The following SLCO3A1 variants were observed in gnomAD, a reference collection of about 807,000 sequenced individuals.
SLCO3A1 encodes solute carrier organic anion transporter family member 3A1, also known as PGE1 transporter.
Under a neutral mutation model 63.1 loss-of-function variants are expected in SLCO3A1, and 27 were observed. The observed-to-expected ratio is 0.43, with a 90% CI of 0.32 to 0.59. SLCO3A1 has a LOEUF of 0.59. Ranked by LOEUF, SLCO3A1 falls within the 20% of genes least tolerant of loss-of-function variation. The pLI, the probability that SLCO3A1 is intolerant of heterozygous loss-of-function variation, is 0.09. For synonymous variants in SLCO3A1, 473 were observed against 409.9 expected (o/e 1.15, Z -1.86); for missense variants, 773 against 945.8 (o/e 0.82, Z 2.40).
In SLCO3A1 at chr15:91,916,479, A is replaced by G. The variant is rs765436281; in HGVS notation, c.646+21A>G. 6.5e-7 allele frequency: 1 copy of G among 1,546,400 alleles called. No individual in the cohort carries two copies. Among genetic ancestry groups the G allele is most frequent in the Non-Finnish European group, 8.8e-7 (1 of 1,139,220 alleles). ...TATAGGTAGGAGCTGCCCCAGCCGT[A>G]TTAGCAAGAGACCAGGGTGTGTTGA... On this transcript the variant is annotated intron_variant, in intron 2 of 9. Transcript: ENST00000318445. This position sits in a 1 kb window ranked among gnomAD's most constrained non-coding sequence, Gnocchi z 6.2.
chr15:91,854,301 G>T lies in SLCO3A1; in HGVS notation c.180+213G>T. The T allele has an allele frequency of 2.6e-6, 3 of 1,155,788 alleles. No homozygotes were observed. The highest frequency in any genetic ancestry group is 3.2e-6 in the Non-Finnish European group (3 of 938,422). The allele number at this position is 1,155,788 out of a possible 1,614,324, so 71.6% of individuals were successfully genotyped here. A position where few individuals can be genotyped will look rare whatever the true frequency, so the allele number is the denominator to read the frequency against. ...GGTAGCGGGCGGGACCGTTGATGCC[G>T]GTAGCAGCTCGCGCGCGTCCGGCTG... On this transcript the variant is annotated intron_variant, in intron 1 of 9. Coordinates refer to ENST00000318445, the MANE Select transcript of SLCO3A1 (RefSeq NM_013272.4). This position sits in a 1 kb window ranked among gnomAD's most constrained non-coding sequence, Gnocchi z 6.4.
chr15:92,130,885 CAAAAAAA>C lies in SLCO3A1; in HGVS notation c.1512+2414_1512+2420del, dbSNP rs993611856. Among the ~76,000 whole-genome samples, 187 of 21,834 alleles carry C rather than the reference CAAAAAAA, an allele frequency of 8.6e-3. 1 individual carries two copies. The highest frequency in any genetic ancestry group is 0.083 in the Middle Eastern group (2 of 24). The allele number at this position is 21,834 out of a possible 152,430, so 14.3% of individuals were successfully genotyped here. A position where few individuals can be genotyped will look rare whatever the true frequency, so the allele number is the denominator to read the frequency against. ...ACTCTTCTTGTCTCCAAGTTCGGGG[CAAAAAAA>C]AAAAAAAAAAAAAAAAACTCTTTGA... On this transcript the variant is annotated intron_variant, in intron 7 of 9. Transcript: ENST00000318445.
Position 91,926,596 on chromosome 15 carries a change from T to TGTGTGTGTGTGTGTGTGTGG in SLCO3A1, c.646+10139_646+10140insTGTGTGTGTGTGTGTGTGGG. ...GTGTGTGTGTGTGTGTGTGTGTGTG[T>TGTGTGTGTGTGTGTGTGTGG]GCGCGCGCGCACGCCCATGCTTATT... On this transcript the variant is annotated intron_variant, in intron 2 of 9. Coordinates refer to ENST00000318445, the MANE Select transcript of SLCO3A1 (RefSeq NM_013272.4). Among the ~76,000 whole-genome samples the TGTGTGTGTGTGTGTGTGTGG allele has an allele frequency of 4.4e-4, 46 of 105,256 alleles. 1 individual carries two copies. Among genetic ancestry groups the TGTGTGTGTGTGTGTGTGTGG allele is most frequent in the African/African-American group, 1.4e-3 (39 of 27,330 alleles). The allele number at this position is 105,256 out of a possible 152,430, so 69.1% of individuals were successfully genotyped here.
intron 2 of SLCO3A1, among the ~76,000 whole-genome samples, chr15:92,013,283 T>G (rs576554733): frequency 2.6e-5 from 4 of 152,370 alleles, no homozygotes; most frequent in African/African-American, 9.6e-5. Flanking sequence ...TGGTATCTCA[T>G]TTCGTGGATG....
chr15:91,988,625 T>C (rs2046086047), intron 2 of SLCO3A1, among the ~76,000 whole-genome samples: 1 of 152,074 alleles, frequency 6.6e-6, no homozygotes, highest in South Asian at 2.1e-4. Flanking sequence ...AAGAATCACC[T>C]GGAGGGCTTG....
chr15:92,011,737 G>A (rs982654889), intron 2 of SLCO3A1, among the ~76,000 whole-genome samples: 2 of 152,188 alleles, frequency 1.3e-5, no homozygotes, highest in Admixed American at 1.3e-4. Flanking sequence ...CTTTGCCAAG[G>A]GCAGCATCGC....
intron 2 of SLCO3A1, among the ~76,000 whole-genome samples, chr15:92,060,288 G>A (rs778488701): frequency 9.2e-5 from 14 of 152,044 alleles, no homozygotes; most frequent in Non-Finnish European, 1.9e-4. Flanking sequence ...AGCTGGGCTC[G>A]GTGGTTCATG....
intron 2 of SLCO3A1, among the ~76,000 whole-genome samples, chr15:91,992,983 G>A (rs1467993528): frequency 6.6e-6 from 1 of 152,216 alleles, no homozygotes; most frequent in East Asian, 1.9e-4. Context: ...GAACCTTGAA[G>A]GGAATCCAGG....
downstream of SLCO3A1, among the ~76,000 whole-genome samples, chr15:92,169,247 C>G (rs914192482): frequency 1.3e-5 from 2 of 152,154 alleles, no homozygotes; most frequent in African/African-American, 4.8e-5. Context: ...ATTCACAAAG[C>G]AGAGTTGGGA....
At chr15:92,043,026 T>C (rs985259281) in intron 2 of SLCO3A1, among the ~76,000 whole-genome samples, 2 of 152,144 alleles carry the variant, frequency 1.3e-5, no homozygotes, top group Admixed American at 1.3e-4. Flanking sequence ...TTGTGACTTT[T>C]TTGGTGACCT....
At chr15:92,058,219 T>A (rs938360539) in intron 2 of SLCO3A1, among the ~76,000 whole-genome samples, 1 of 152,062 alleles carries the variant, frequency 6.6e-6, no homozygotes, top group Non-Finnish European at 1.5e-5. Context: ...CTCTAGAAGG[T>A]GGAGGGTGTT....
intron 2 of SLCO3A1, among the ~76,000 whole-genome samples, chr15:91,932,371 T>C (rs1219508909): frequency 3.3e-5 from 5 of 152,198 alleles, no homozygotes; most frequent in African/African-American, 1.2e-4. Context: ...TTGCCTTTCT[T>C]GTTTTATCTC....
At chr15:91,923,785 A>C (rs527381975) in intron 2 of SLCO3A1, among the ~76,000 whole-genome samples, 2 of 152,246 alleles carry the variant, frequency 1.3e-5, no homozygotes, top group Non-Finnish European at 2.9e-5. Context: ...CTTAGTTAAA[A>C]ACCATACTAT....
intron 2 of SLCO3A1, among the ~76,000 whole-genome samples, chr15:92,068,455 G>C (rs965218103): frequency 1.3e-5 from 2 of 152,138 alleles, no homozygotes; most frequent in Admixed American, 1.3e-4. Flanking sequence ...TTCATTCATA[G>C]CCCAACCACA....
intron 2 of SLCO3A1, among the ~76,000 whole-genome samples, chr15:92,014,346 G>A (rs1332933577): frequency 6.6e-6 from 1 of 152,148 alleles, no homozygotes; most frequent in East Asian, 1.9e-4. Flanking sequence ...GAGAGGCAAA[G>A]AAAGAGCTGG....
chr15:92,138,640 T>A (rs2048088840), intron 7 of SLCO3A1, among the ~76,000 whole-genome samples: 1 of 53,338 alleles, frequency 1.9e-5, no homozygotes, highest in South Asian at 7.4e-4. Context: ...TTGTATCCTC[T>A]TTTATTTCCT....
chr15:92,020,397 A>C (rs1430952079), intron 2 of SLCO3A1, among the ~76,000 whole-genome samples: 1 of 152,214 alleles, frequency 6.6e-6, no homozygotes, highest in Non-Finnish European at 1.5e-5. Context: ...AATCTCAGCC[A>C]ATTTGTTTGG....
Position 92,094,868 on chromosome 15 carries a change from C to T in SLCO3A1, c.647-13C>T. 1 of 1,584,634 alleles carries T rather than the reference C, an allele frequency of 6.3e-7. No homozygotes were observed. The highest frequency in any genetic ancestry group is 8.7e-7 in the Non-Finnish European group (1 of 1,155,358). On this transcript the variant is annotated splice_polypyrimidine_tract_variant and intron_variant, in intron 2 of 9. Coordinates refer to ENST00000318445, the MANE Select transcript of SLCO3A1 (RefSeq NM_013272.4). ...CTGTTTTGTAATCTATTTTTTTCTTCATCTTCCTTCAGGAATCCTGTTCAC... is the reference window on the plus strand; with the variant it reads ...CTGTTTTGTAATCTATTTTTTTCTTTATCTTCCTTCAGGAATCCTGTTCAC...
intron 2 of SLCO3A1, among the ~76,000 whole-genome samples, chr15:92,003,946 C>G (rs2046284663): frequency 6.6e-6 from 1 of 152,230 alleles, no homozygotes; most frequent in Non-Finnish European, 1.5e-5. Context: ...CACTGCTCAG[C>G]AGCTGTAGCT....
Sources: gnomAD v4.1 joint callset for allele counts (sites outside exome capture counted in the v4.1 genomes callset) on GRCh38, gnomAD v4.1.1 for gene constraint, Gnocchi (gnomAD v3.1) non-coding constraint, MANE v1.5 for transcripts, NCBI Gene and HGNC (gene_info 2026-07-23, HGNC 2026-07-21) for gene names.